The following UNC45B variants were observed in gnomAD, a reference collection of about 807,000 sequenced individuals.
UNC45B encodes unc-45 myosin chaperone B.
Under a neutral mutation model 98.7 loss-of-function variants are expected in UNC45B, and 78 were observed. That is an observed-to-expected ratio of 0.79 (90% CI 0.66 to 0.95). The LOEUF is 0.95. Among genes scored for constraint, UNC45B ranks in the 40% least tolerant of loss-of-function variants. The pLI, the probability that UNC45B is intolerant of heterozygous loss-of-function variation, is 0.00. For missense variants in UNC45B, 1,225 were observed against 1,184.9 expected, an observed-to-expected ratio of 1.03 and a Z score of -0.50; for synonymous variants, 462 against 480.4, an observed-to-expected ratio of 0.96 and a Z score of 0.50.
At chr17:35,148,114 G>T (rs1333824795) in intron 1 of UNC45B, 150 bp from the exon 2 acceptor site, 15 of 790,878 alleles carry the variant, frequency 1.9e-5, no homozygotes, top group East Asian at 8.0e-5. Context: ...CAATAGATTT[G>T]GGGGTTCTGG....
intron 10 of UNC45B, 50 bp downstream of exon 10, chr17:35,168,411 G>T: frequency 7.7e-7 from 1 of 1,301,558 alleles, no homozygotes. Context: ...TGCCATGCCA[G>T]GCACCAGGGA....
chr17:35,153,744 AGTTGATAGTG>A (rs1567754618), intron 5 of UNC45B, among the ~76,000 whole-genome samples: 4 of 145,260 alleles, frequency 2.8e-5, no homozygotes, highest in Non-Finnish European at 6.0e-5. Context: ...CAAAGCCCTT[AGTTGATAGTG>A]ATGGTTCTGG....
intron 9 of UNC45B, among the ~76,000 whole-genome samples, chr17:35,165,309 A>G (rs2092131166): frequency 6.6e-6 from 1 of 152,230 alleles, no homozygotes; most frequent in Non-Finnish European, 1.5e-5. Flanking sequence ...CAGCAGCTGC[A>G]GTTCCTGAGT....
chr17:35,182,618 G>A lies in UNC45B; in HGVS notation c.2374-809G>A, dbSNP rs534736657. 9.9e-5 allele frequency among the ~76,000 whole-genome samples: 15 copies of A among 152,146 alleles called. No homozygotes were observed. In the South Asian group the frequency reaches 2.9e-3, roughly 29 times the overall value. On this transcript the variant is annotated intron_variant, in intron 18 of 19. Transcript: ENST00000394570. ...AATGGGGGAATGTAGTCCATGTAAG[G>A]GCAGCTGTGTCCCATGAGAGGGGGC... is the stretch of plus-strand genomic sequence containing the variant.
intron 13 of UNC45B, 40 bp from the exon 14 acceptor site, chr17:35,174,202 C>T: frequency 1.2e-6 from 2 of 1,613,664 alleles, no homozygotes; most frequent in East Asian, 4.5e-5. Flanking sequence ...TGGCCTGGCA[C>T]CCAGGACCCT....
At chr17:35,152,335 T>C (rs4572455) in intron 4 of UNC45B, among the ~76,000 whole-genome samples, 116,310 of 152,116 alleles carry the variant, frequency 0.76, 44,649 homozygotes, top group East Asian at 0.95. Flanking sequence ...AGGTTCAAAA[T>C]GAGCTGGCGG....
At chr17:35,169,311 G>A (rs2092165527) in intron 10 of UNC45B, among the ~76,000 whole-genome samples, 1 of 151,994 alleles carries the variant, frequency 6.6e-6, no homozygotes, top group Non-Finnish European at 1.5e-5. Flanking sequence ...AGTGCTGGGA[G>A]GATTACAGGC....
chr17:35,178,299 T>C (rs1207485727), intron 17 of UNC45B, among the ~76,000 whole-genome samples: 2 of 152,268 alleles, frequency 1.3e-5, no homozygotes, highest in Non-Finnish European at 2.9e-5. Flanking sequence ...CCAGTGATGA[T>C]GAGCATTTTT....
rs766163554 is a variant in UNC45B, at chr17:35,186,340, C to T, written c.2571C>T (p.His857=). 13 of 1,614,146 alleles carry T rather than the reference C, an allele frequency of 8.1e-6. No individual in the cohort carries two copies. Among genetic ancestry groups the T allele is most frequent in the Middle Eastern group, 1.7e-4 (1 of 6,042 alleles). ...AGATCCTCCAGCGGCTTTGCCTGCACGACCAGCTGTCTGTCCAACACCGGG... is the reference window on the plus strand; with the variant it reads ...AGATCCTCCAGCGGCTTTGCCTGCATGACCAGCTGTCTGTCCAACACCGGG... ...WLEILQRLCL[H]DQLSVQHRGL... Residue 857 remains histidine (H), a synonymous_variant, in exon 20 of 20, where the codon CAC becomes CAT. Coordinates refer to ENST00000394570, the MANE Select transcript of UNC45B (RefSeq NM_001267052.2).
chr17:35,161,045 C>CT (rs1470790843), intron 8 of UNC45B, among the ~76,000 whole-genome samples: 1 of 152,198 alleles, frequency 6.6e-6, no homozygotes, highest in Non-Finnish European at 1.5e-5. Context: ...TACCCTACTG[C>CT]TAAATGCCCA....
intron 7 of UNC45B, among the ~76,000 whole-genome samples, chr17:35,158,593 A>G (rs1465010611): frequency 1.3e-5 from 2 of 152,138 alleles, no homozygotes; most frequent in South Asian, 2.1e-4. Flanking sequence ...TCTTCCACAT[A>G]TTGATTTCCA....
chr17:35,160,347 G>C (rs187834649), intron 8 of UNC45B, among the ~76,000 whole-genome samples: 1 of 152,324 alleles, frequency 6.6e-6, no homozygotes, highest in East Asian at 1.9e-4. Flanking sequence ...TAAAAGGAAA[G>C]GCAGTTTCTT....
rs371932269 is a variant in UNC45B, at chr17:35,164,167, G to A, written c.1151+1G>A. The stretch of plus-strand genomic sequence containing the variant: ...GCAAGATCTGTGAGGAATATATCAC[G>A]TAAGTTTCCTGGAGGCCTCACAGGG... On this transcript the variant is annotated splice_donor_variant, in intron 9 of 19. Coordinates refer to ENST00000394570, the MANE Select transcript of UNC45B (RefSeq NM_001267052.2). LOFTEE classifies it high-confidence loss of function. 1.5e-5 allele frequency: 24 copies of A among 1,605,986 alleles called. No individual in the cohort carries two copies. The highest frequency in any genetic ancestry group is 5.6e-5 in the South Asian group (5 of 89,780).
Position 35,148,871 on chromosome 17 carries a change from C to A in UNC45B, c.169-102C>A, listed in dbSNP as rs1003066940. The A allele has an allele frequency of 2.6e-5, 37 of 1,433,516 alleles. 1 individual carries two copies. In the Middle Eastern group the frequency reaches 8.9e-4, roughly 34 times the overall value. The allele number at this position is 1,433,516 out of a possible 1,614,324, so 88.8% of individuals were successfully genotyped here. ...GCCCTGGGCCTCTGACAGCCTGCAG[C>A]TCCCCCAGGAAACCCTCTCCCCACA... On this transcript the variant is annotated intron_variant, in intron 2 of 19. Coordinates refer to ENST00000394570, the MANE Select transcript of UNC45B (RefSeq NM_001267052.2).
chr17:35,155,824 C>T (rs2142538643), intron 7 of UNC45B, among the ~76,000 whole-genome samples: 1 of 152,310 alleles, frequency 6.6e-6, no homozygotes, highest in South Asian at 2.1e-4. Context: ...CCTGCCTTGG[C>T]TTCCCAAAGT....
rs2092305530 is a variant in UNC45B, at chr17:35,186,527, A to G, written c.2758A>G (p.Met920Val). The G allele has an allele frequency of 3.7e-6, 6 of 1,614,206 alleles. No individual in the cohort carries two copies. Among genetic ancestry groups the G allele is most frequent in the East Asian group, 4.5e-5 (2 of 44,886 alleles). The stretch of plus-strand genomic sequence containing the variant: ...AGCCCGAGAATGTCTCATCAAGTGC[A>G]TGGATTATGGTTTCATTAAACCAGT... ...QTARECLIKC[M>V]DYGFIKPVS The change falls in exon 20 of 20, where the codon ATG (methionine) becomes GTG (valine). Residue 920 changes from methionine (M) to valine (V), a missense_variant. Coordinates refer to ENST00000394570, the MANE Select transcript of UNC45B (RefSeq NM_001267052.2).
Position 35,168,226 on chromosome 17 carries a change from G to A in UNC45B, c.1317G>A (p.Leu439=), listed in dbSNP as rs767480696. The A allele has an allele frequency of 5.7e-6, 9 of 1,591,396 alleles. No individual in the cohort carries two copies. Among genetic ancestry groups the A allele is most frequent in the Admixed American group, 1.7e-5 (1 of 57,638 alleles). ...LCGSERETDQ[L]VAVEALIHAS... ...GCTCAGAGCGCGAGACGGACCAGCT[G>A]GTGGCCGTGGAGGCCCTCATCCATG... Residue 439 remains leucine (L), a synonymous_variant, in exon 10 of 20, where the codon CTG becomes CTA. Transcript: ENST00000394570.
rs2092318395 is a variant in UNC45B at position 35,188,947 on chromosome 17, T to G, written c.*2388T>G. On this transcript the variant is annotated 3_prime_UTR_variant, in exon 20 of 20. Transcript: ENST00000394570. ...GGCCCTTCTTTGCAGATTTCTTTTT[T>G]TTTTCATCTATGCTTTCAAATAGGC... 1 of 152,186 alleles carries G rather than the reference T, an allele frequency of 6.6e-6. No individual in the cohort carries two copies. The highest frequency in any genetic ancestry group is 2.1e-4 in the South Asian group (1 of 4,834). 9.4% of individuals were successfully genotyped at this position (152,186 alleles called of 1,614,324 possible).
chr17:35,148,191 A>G, intron 1 of UNC45B, 73 bp from the exon 2 acceptor site: 1 of 1,549,108 alleles, frequency 6.5e-7, no homozygotes, highest in South Asian at 1.2e-5. Context: ...GGAGCTCCGG[A>G]CCTCAGGCCA....
Sources: allele counts gnomAD v4.1 joint callset (sites outside exome capture counted in the v4.1 genomes callset), GRCh38; gene constraint gnomAD v4.1.1; transcripts MANE v1.5; gene names NCBI Gene and HGNC (gene_info 2026-07-23, HGNC 2026-07-21).